Variants in FCN2 observed in about 807,000 individuals in gnomAD.
FCN2 encodes the protein ficolin 2.
A neutral mutation model predicts 32.5 loss-of-function variants in FCN2; 31 were observed. That is an observed-to-expected ratio of 0.96 (90% CI 0.72 to 1.29). The LOEUF (loss-of-function observed/expected upper bound fraction) is 1.29. Ranked by LOEUF, FCN2 falls within the 50% of genes most tolerant of loss-of-function variation. The probability of loss-of-function intolerance (pLI) is 0.00; values close to 1 mark genes in which losing one functional copy is unlikely to be tolerated. For synonymous variants in FCN2, 181 were observed against 164.5 expected (o/e 1.10, Z -0.77); for missense variants, 412 against 406.5 (o/e 1.01, Z -0.12).
chr9:134,879,430 C>T (rs1319277792), upstream of FCN2, among the ~76,000 whole-genome samples: 2 of 152,136 alleles, frequency 1.3e-5, no homozygotes, highest in Non-Finnish European at 1.5e-5. Context: ...AGTAAAGGAA[C>T]CTGCCTAAGG....
chr9:134,877,947 G>T (rs1000838852), upstream of FCN2, among the ~76,000 whole-genome samples: 1 of 152,192 alleles, frequency 6.6e-6, no homozygotes, highest in Non-Finnish European at 1.5e-5. Flanking sequence ...GAGTCAGTGG[G>T]CTGGGGAAGG....
the FCN2 span, among the ~76,000 whole-genome samples, chr9:134,867,350 T>C: frequency 6.6e-6 from 1 of 151,672 alleles, no homozygotes; most frequent in African/African-American, 2.4e-5. Flanking sequence ...GGGACATGGA[T>C]GAAATTGGAA....
chr9:134,875,611 G>A, the FCN2 span, among the ~76,000 whole-genome samples: 1 of 152,180 alleles, frequency 6.6e-6, no homozygotes, highest in Non-Finnish European at 1.5e-5. Flanking sequence ...GGCCATTTGG[G>A]GAACCCCATG....
chr9:134,872,638 G>C, the FCN2 span, among the ~76,000 whole-genome samples: 3,788 of 152,242 alleles, frequency 0.025, 73 homozygotes, highest in Middle Eastern at 0.092. Context: ...ACAAGAGAGA[G>C]CGTGGTGCGG....
At position 134,880,997 on chromosome 9, in the gene FCN2, T is replaced by TG. The variant is rs1180424579; in HGVS notation, c.100+78dup. On this transcript the variant is annotated intron_variant, in intron 1 of 7. Coordinates refer to ENST00000291744, the MANE Select transcript of FCN2 (RefSeq NM_004108.3). ...GGCAGCTTCGTGATTGGTGGCTTCC[T>TG]GGCTTCCAGGCCTTGCACCAGGCCG... is the stretch of plus-strand genomic sequence containing the variant. The TG allele has an allele frequency of 8.4e-6, 9 of 1,070,770 alleles. No individual in the cohort carries two copies. In the East Asian group the frequency reaches 1.8e-4, roughly 21 times the overall value. 66.3% of individuals were successfully genotyped at this position (1,070,770 alleles called of 1,614,324 possible).
chr9:134,875,163 T>C, the FCN2 span, among the ~76,000 whole-genome samples: 2 of 152,250 alleles, frequency 1.3e-5, no homozygotes, highest in Non-Finnish European at 1.5e-5. Flanking sequence ...CCTTTCCTAA[T>C]ATGCATGACT....
At chr9:134,867,526 A>T in the FCN2 span, among the ~76,000 whole-genome samples, 1 of 148,348 alleles carries the variant, frequency 6.7e-6, no homozygotes, top group Non-Finnish European at 1.5e-5. Flanking sequence ...GCATTGGGAG[A>T]TATACCTAAT....
chr9:134,886,543 G>T lies in FCN2; in HGVS notation c.673G>T (p.Ala225Ser). Reference protein sequence around the residue: ...EAEKYNLVLGAFVEGSAGDSL... With the variant: ...EAEKYNLVLGSFVEGSAGDSL... Reference sequence around the variant, plus strand: ...GGAGAAGTACAATCTGGTCCTGGGGGCCTTCGTGGAGGGCAGTGCGGGTGA... The same window carrying T: ...GGAGAAGTACAATCTGGTCCTGGGGTCCTTCGTGGAGGGCAGTGCGGGTGA... The change falls in exon 7 of 8, where the codon GCC (alanine) becomes TCC (serine). Residue 225 changes from alanine (A) to serine (S), a missense_variant. By Grantham distance (99) the Ala-to-Ser change is moderately conservative. Transcript: ENST00000291744. 3 of 1,614,154 alleles carry T rather than the reference G, an allele frequency of 1.9e-6. No individual in the cohort carries two copies. Among genetic ancestry groups the T allele is most frequent in the Non-Finnish European group, 2.5e-6 (3 of 1,180,022 alleles).
chr9:134,869,298 T>C, the FCN2 span, among the ~76,000 whole-genome samples: 69 of 152,328 alleles, frequency 4.5e-4, no homozygotes, highest in Non-Finnish European at 7.5e-4. Context: ...GAGAAGGATC[T>C]GGGCCCATGG....
the FCN2 span, among the ~76,000 whole-genome samples, chr9:134,869,302 C>A: frequency 6.6e-6 from 1 of 152,232 alleles, no homozygotes; most frequent in South Asian, 2.1e-4. Flanking sequence ...AGGATCTGGG[C>A]CCATGGGAGA....
upstream of FCN2, among the ~76,000 whole-genome samples, chr9:134,878,445 T>C (rs561803993): frequency 7.2e-5 from 11 of 152,358 alleles, no homozygotes; most frequent in South Asian, 2.1e-3. Flanking sequence ...CTTTGGTTTT[T>C]GTGTGTTATC....
the FCN2 span, among the ~76,000 whole-genome samples, chr9:134,864,169 G>A: frequency 3.3e-5 from 5 of 152,330 alleles, no homozygotes; most frequent in Non-Finnish European, 5.9e-5. Flanking sequence ...CGCAGTGGAC[G>A]TTCCTAAACT....
At chr9:134,885,736 C>G (rs1023105497) in intron 5 of FCN2, 32 bp from the exon 6 acceptor site, 3 of 1,613,838 alleles carry the variant, frequency 1.9e-6, no homozygotes, top group Admixed American at 1.7e-5. Context: ...CGGCCTGGCC[C>G]CCCCGGCTCC....
chr9:134,884,876 A>G, intron 4 of FCN2, 104 bp downstream of exon 4: 2 of 1,052,238 alleles, frequency 1.9e-6, no homozygotes, highest in Non-Finnish European at 2.9e-6. Context: ...AAATATGAAC[A>G]GAAGAAAATG....
At chr9:134,886,352 C>T in intron 6 of FCN2, 78 bp from the exon 7 acceptor site, 3 of 1,564,784 alleles carry the variant, frequency 1.9e-6, no homozygotes, top group South Asian at 2.2e-5. Context: ...TCCTTCCAGG[C>T]CCTGCCCCAG....
Position 134,883,371 on chromosome 9 carries a change from G to C in FCN2, c.268+16G>C, listed in dbSNP as rs374476745. ...GGGCCCAACGGTAAGGAGGGGACAA[G>C]AGTGAGAAGCGGCTTCAAGGCCCTT... On this transcript the variant is annotated intron_variant, in intron 3 of 7. Transcript: ENST00000291744. The C allele has an allele frequency of 1.4e-5, 22 of 1,611,974 alleles. No individual in the cohort carries two copies. The African/African-American group carries it at 2.3e-4, about 17-fold the overall frequency.
upstream of FCN2, among the ~76,000 whole-genome samples, chr9:134,876,737 C>T (rs1420240914): frequency 6.6e-6 from 1 of 152,170 alleles, no homozygotes; most frequent in Non-Finnish European, 1.5e-5. Flanking sequence ...TACCACCACA[C>T]CAGCTAATTT....
chr9:134,866,535 C>G, the FCN2 span, among the ~76,000 whole-genome samples: 1 of 149,588 alleles, frequency 6.7e-6, no homozygotes, highest in South Asian at 2.1e-4. Flanking sequence ...CCATAAAAAC[C>G]CTAGAAGAAA....
the FCN2 span, among the ~76,000 whole-genome samples, chr9:134,871,613 G>T: frequency 1.3e-5 from 2 of 152,262 alleles, no homozygotes; most frequent in East Asian, 1.9e-4. Context: ...TGGGCTCCCT[G>T]CCCGGCCCCT....
Sources: gnomAD v4.1 joint callset for allele counts (sites outside exome capture counted in the v4.1 genomes callset) on GRCh38, gnomAD v4.1.1 for gene constraint, MANE v1.5 for transcripts, NCBI Gene and HGNC (gene_info 2026-07-23, HGNC 2026-07-21) for gene names.